DNMT3B: variants seen among roughly 807,000 people sequenced by gnomAD.
DNMT3B encodes the protein DNA methyltransferase 3 beta.
DNMT3B carries 37 observed loss-of-function variants against 120.2 expected under a neutral mutation model. The observed-to-expected ratio is 0.31, with a 90% CI of 0.24 to 0.40. DNMT3B has a LOEUF of 0.40. DNMT3B is among the 10% of genes least tolerant of loss of function. DNMT3B has a pLI of 1.00. For missense variants in DNMT3B, 878 were observed against 1,137.3 expected, an observed-to-expected ratio of 0.77 and a Z score of 3.28; for synonymous variants, 412 against 442.8, an observed-to-expected ratio of 0.93 and a Z score of 0.87.
chr20:32,797,222 C>A lies in DNMT3B; in HGVS notation c.1413C>A (p.Asp471Glu). The A allele has an allele frequency of 6.2e-7, 1 of 1,614,150 alleles. No homozygotes were observed. Among genetic ancestry groups the A allele is most frequent in the Non-Finnish European group, 8.5e-7 (1 of 1,180,050 alleles). Reference sequence around the variant, plus strand: ...TTGAGCTGTTTTACATGTATGATGACGATGGCTATCAGTCTTACTGCACTG... The same window carrying A: ...TTGAGCTGTTTTACATGTATGATGAAGATGGCTATCAGTCTTACTGCACTG... ...RFLELFYMYD[D>E]DGYQSYCTVC... The change falls in exon 14 of 23, where the codon GAC becomes GAA. Residue 471 changes from aspartate (D) to glutamate (E), a missense_variant. By Grantham distance (45) the Asp-to-Glu change is conservative. This residue lies in a region of DNMT3B where 334 missense variants were observed against 518.8 expected (regional missense o/e 0.64). Transcript: ENST00000328111.
chr20:32,785,926 C>T (rs1238474936), intron 4 of DNMT3B, among the ~76,000 whole-genome samples: 1 of 151,366 alleles, frequency 6.6e-6, no homozygotes, highest in Non-Finnish European at 1.5e-5. Context: ...CTGTGTTGCC[C>T]AGGCTGGAGT....
At chr20:32,765,846 C>G (rs571187420) in intron 1 of DNMT3B, among the ~76,000 whole-genome samples, 1 of 150,662 alleles carries the variant, frequency 6.6e-6, no homozygotes, top group East Asian at 2.0e-4. Context: ...AGCTCCGCCC[C>G]TCGGGTTCAT....
At chr20:32,768,794 A>C (rs929613519) in intron 1 of DNMT3B, among the ~76,000 whole-genome samples, 2 of 152,174 alleles carry the variant, frequency 1.3e-5, no homozygotes, top group Non-Finnish European at 2.9e-5. Flanking sequence ...TTAAGTGTTC[A>C]TTATATTCCA....
intron 1 of DNMT3B, among the ~76,000 whole-genome samples, chr20:32,775,416 C>T (rs1464933484): frequency 1.3e-5 from 2 of 152,208 alleles, no homozygotes; most frequent in Non-Finnish European, 2.9e-5. Flanking sequence ...AGCATTACTG[C>T]TGGGTTGGGG....
chr20:32,797,643 C>T (rs759794038), intron 14 of DNMT3B, among the ~76,000 whole-genome samples: 1 of 148,236 alleles, frequency 6.7e-6, no homozygotes, highest in Non-Finnish European at 1.5e-5. Flanking sequence ...TAGGCACATG[C>T]CATCACACCC....
Position 32,809,169 on chromosome 20 carries a change from T to C in DNMT3B, c.*1266T>C, listed in dbSNP as rs1311445611. On this transcript the variant is annotated 3_prime_UTR_variant, in exon 23 of 23. Coordinates refer to ENST00000328111, the MANE Select transcript of DNMT3B (RefSeq NM_006892.4). ...TTTGTGGGGCTTTTTATACACTTTTTAAAATCTCAAACTTCTATTTTTATG... is the reference window on the plus strand; with the variant it reads ...TTTGTGGGGCTTTTTATACACTTTTCAAAATCTCAAACTTCTATTTTTATG... 4.7e-6 allele frequency: 1 copy of C among 214,718 alleles called. No homozygotes were observed. Among genetic ancestry groups the C allele is most frequent in the Non-Finnish European group, 9.4e-6 (1 of 106,502 alleles). The allele number at this position is 214,718 out of a possible 1,614,324, so 13.3% of individuals were successfully genotyped here. A position where few individuals can be genotyped will look rare whatever the true frequency, so the allele number is the denominator to read the frequency against.
At chr20:32,763,039 G>A (rs1323526482) in intron 1 of DNMT3B, among the ~76,000 whole-genome samples, 1 of 152,142 alleles carries the variant, frequency 6.6e-6, no homozygotes, top group Non-Finnish European at 1.5e-5. Context: ...GCTTCCCGGG[G>A]TCCAGACTCG....
intron 1 of DNMT3B, among the ~76,000 whole-genome samples, chr20:32,772,889 T>TTC (rs1300822250): frequency 4.6e-5 from 7 of 151,338 alleles, no homozygotes; most frequent in Admixed American, 1.3e-4. Flanking sequence ...TTTTTTTTTT[T>TTC]TTTGAGATGG....
chr20:32,771,293 A>G (rs1337510848), intron 1 of DNMT3B, among the ~76,000 whole-genome samples: 1 of 152,146 alleles, frequency 6.6e-6, no homozygotes, highest in Non-Finnish European at 1.5e-5. Flanking sequence ...AAAGGGAGAA[A>G]ATGAACTTTT....
In DNMT3B at chr20:32,780,356, G is replaced by A; in HGVS notation, c.33G>A (p.Glu11=). 1.2e-6 allele frequency: 2 copies of A among 1,614,058 alleles called. No homozygotes were observed. Among genetic ancestry groups the A allele is most frequent in the African/African-American group, 1.3e-5 (1 of 75,038 alleles). The part of the protein sequence containing the change: MKGDTRHLNG[E]EDAGGREDSI... The stretch of plus-strand genomic sequence containing the variant: ...GAGACACCAGGCATCTCAATGGAGA[G>A]GAGGACGCCGGCGGGAGGGAAGACT... The change falls in exon 2 of 23, where the codon GAG becomes GAA. Residue 11 remains glutamate (E), a synonymous_variant. Transcript: ENST00000328111.
intron 4 of DNMT3B, 28 bp from the exon 5 acceptor site, chr20:32,786,473 GC>G (rs759028328): frequency 6.2e-7 from 1 of 1,613,744 alleles, no homozygotes; most frequent in Admixed American, 1.7e-5. Flanking sequence ...GTCACCTAAG[GC>G]CCAGTGAGTG....
chr20:32,771,455 G>A (rs1171358777), intron 1 of DNMT3B, among the ~76,000 whole-genome samples: 1 of 151,908 alleles, frequency 6.6e-6, no homozygotes, highest in African/African-American at 2.4e-5. Flanking sequence ...AGCCTGGCCA[G>A]CATACTGAAA....
chr20:32,803,576 T>C (rs1001966204), intron 20 of DNMT3B, among the ~76,000 whole-genome samples: 2 of 152,218 alleles, frequency 1.3e-5, no homozygotes, highest in African/African-American at 4.8e-5. Context: ...ATCATGTCGA[T>C]AGTGACATGC....
chr20:32,797,347 C>G (rs1319614096), intron 14 of DNMT3B, 48 bp downstream of exon 14: 1 of 1,570,706 alleles, frequency 6.4e-7, no homozygotes, highest in East Asian at 2.2e-5. Flanking sequence ...CCCCAAGGCT[C>G]CTACGTTCCT....
intron 1 of DNMT3B, among the ~76,000 whole-genome samples, chr20:32,775,672 G>A (rs943385281): frequency 1.3e-5 from 2 of 152,260 alleles, no homozygotes; most frequent in African/African-American, 2.4e-5. Context: ...ACAAGGTTAG[G>A]CAGCCACCTC....
intron 1 of DNMT3B, among the ~76,000 whole-genome samples, chr20:32,774,334 G>A (rs755683519): frequency 6.6e-5 from 10 of 151,194 alleles, no homozygotes; most frequent in African/African-American, 9.7e-5. Context: ...CTCAGCCTCC[G>A]GAGTAGCTGG....
intron 20 of DNMT3B, among the ~76,000 whole-genome samples, chr20:32,804,381 T>C (rs902531342): frequency 6.6e-6 from 1 of 152,134 alleles, no homozygotes. Flanking sequence ...GGGATAGAGG[T>C]AGCATTTGAA....
At chr20:32,766,288 A>G (rs1376709266) in intron 1 of DNMT3B, among the ~76,000 whole-genome samples, 1 of 151,978 alleles carries the variant, frequency 6.6e-6, no homozygotes, top group East Asian at 1.9e-4. Flanking sequence ...GGTTGCAGTG[A>G]GCTGAGATCC....
chr20:32,803,883 G>A (rs1320086694), intron 20 of DNMT3B, among the ~76,000 whole-genome samples: 1 of 152,208 alleles, frequency 6.6e-6, no homozygotes, highest in Non-Finnish European at 1.5e-5. Context: ...GATGAATTGT[G>A]CTTTGGTTCA....
Sources: allele counts gnomAD v4.1 joint callset (sites outside exome capture counted in the v4.1 genomes callset), GRCh38; gene constraint gnomAD v4.1.1; regional missense constraint gnomAD v4.1.1; transcripts MANE v1.5; gene names NCBI Gene and HGNC (gene_info 2026-07-23, HGNC 2026-07-21).